Variants in GUCY1A1 observed in about 807,000 individuals in gnomAD.
The protein encoded by GUCY1A1 is guanylate cyclase soluble subunit alpha-1.
A neutral mutation model predicts 64.5 loss-of-function variants in GUCY1A1; 48 were observed. The observed-to-expected ratio is 0.74, with a 90% CI of 0.59 to 0.95. The LOEUF (loss-of-function observed/expected upper bound fraction) is 0.95, where lower values mean the gene tolerates loss of function less well. Among genes scored for constraint, GUCY1A1 ranks in the 40% least tolerant of loss-of-function variants. The probability of loss-of-function intolerance (pLI) is 0.00; values close to 1 mark genes in which losing one functional copy is unlikely to be tolerated. For missense variants in GUCY1A1, 804 were observed against 825.3 expected (o/e 0.97, Z 0.32); for synonymous variants, 308 against 303.4 (o/e 1.02, Z -0.16).
At chr4:155,702,775 T>C (rs929781980) in intron 3 of GUCY1A1, among the ~76,000 whole-genome samples, 14 of 152,272 alleles carry the variant, frequency 9.2e-5, no homozygotes, top group South Asian at 6.2e-4. Flanking sequence ...AAAAGCCCTT[T>C]TCATAACTCA....
At chr4:155,692,718 A>G (rs531655051) in intron 2 of GUCY1A1, among the ~76,000 whole-genome samples, 2 of 152,298 alleles carry the variant, frequency 1.3e-5, no homozygotes, top group Non-Finnish European at 2.9e-5. Context: ...ATATTGTTAC[A>G]TGTCTACATG....
At chr4:155,720,108 G>A (rs1733764801) in intron 8 of GUCY1A1, among the ~76,000 whole-genome samples, 1 of 152,006 alleles carries the variant, frequency 6.6e-6, no homozygotes, top group Admixed American at 6.6e-5. Context: ...GGACTAGGAG[G>A]GACACTTGCC....
chr4:155,729,921 C>CGTGATTTA (rs2110773940), intron 9 of GUCY1A1, 109 bp from the exon 10 acceptor site: 1 of 677,140 alleles, frequency 1.5e-6, no homozygotes, highest in South Asian at 2.0e-5. Context: ...TCACTCACAC[C>CGTGATTTA]TAAAATCACT....
rs1731274479 is a variant in GUCY1A1, at chr4:155,702,889, T to A, written c.256-1043T>A. 4.0e-5 allele frequency among the ~76,000 whole-genome samples: 6 copies of A among 151,830 alleles called. No individual in the cohort carries two copies. The South Asian group carries it at 1.2e-3, about 31-fold the overall frequency. ...TAAATAGTTTTTAAGGAAAAAGGAATTTCTTAACTTGGGACAGCAAAAAAT... is the reference window on the plus strand; with the variant it reads ...TAAATAGTTTTTAAGGAAAAAGGAAATTCTTAACTTGGGACAGCAAAAAAT... On this transcript the variant is annotated intron_variant, in intron 3 of 9. Coordinates refer to ENST00000506455, the MANE Select transcript of GUCY1A1 (RefSeq NM_001130682.3).
At chr4:155,705,303 CT>C (rs1731597515) in intron 4 of GUCY1A1, among the ~76,000 whole-genome samples, 1 of 152,108 alleles carries the variant, frequency 6.6e-6, no homozygotes, top group South Asian at 2.1e-4. Flanking sequence ...AATCCCAGCC[CT>C]TTGGGAGGTC....
chr4:155,703,721 G>C (rs1731384193), intron 3 of GUCY1A1, among the ~76,000 whole-genome samples: 1 of 152,142 alleles, frequency 6.6e-6, no homozygotes, highest in Non-Finnish European at 1.5e-5. Context: ...TCTCAGATTA[G>C]TCTCAGCACA....
chr4:155,688,150 C>G (rs575576343), intron 2 of GUCY1A1, among the ~76,000 whole-genome samples: 1 of 151,994 alleles, frequency 6.6e-6, no homozygotes, highest in African/African-American at 2.4e-5. Context: ...ATGGCGTGAA[C>G]CCGGGAGGTG....
At chr4:155,704,552 C>T (rs1156898472) in intron 4 of GUCY1A1, among the ~76,000 whole-genome samples, 6 of 150,042 alleles carry the variant, frequency 4.0e-5, no homozygotes, top group South Asian at 4.2e-4. Flanking sequence ...CTCAGGGTTC[C>T]GGGGGGTAGC....
At chr4:155,683,886 C>T (rs1323558237) in intron 2 of GUCY1A1, among the ~76,000 whole-genome samples, 1 of 152,114 alleles carries the variant, frequency 6.6e-6, no homozygotes, top group Non-Finnish European at 1.5e-5. Flanking sequence ...TGGTGGTCCA[C>T]AAAGAAAGGA....
At chr4:155,709,811 C>T (rs182421893) in intron 5 of GUCY1A1, among the ~76,000 whole-genome samples, 7 of 151,818 alleles carry the variant, frequency 4.6e-5, no homozygotes, top group East Asian at 3.9e-4. Context: ...CCAGCCTGGG[C>T]GACAGAGCGA....
chr4:155,717,208 A>T lies in GUCY1A1; in HGVS notation c.1622A>T (p.Glu541Val). ...TGTGTAGCTGGGGGATTACACAAAG[A>T]GAGTGATACTCATGCTGTTCAGATA... is the stretch of plus-strand genomic sequence containing the variant. Reference protein sequence around the residue: ...AYCVAGGLHKESDTHAVQIAL... With the variant: ...AYCVAGGLHKVSDTHAVQIAL... Residue 541 changes from glutamate (E) to valine (V), a missense_variant, in exon 8 of 10, where the codon GAG (glutamate) becomes GTG (valine). Physicochemically the swap from Glu to Val is moderately radical, Grantham distance 121 (BLOSUM62 -2). Transcript: ENST00000506455. 1 of 1,575,780 alleles carries T rather than the reference A, an allele frequency of 6.3e-7. No homozygotes were observed.
intron 8 of GUCY1A1, among the ~76,000 whole-genome samples, chr4:155,719,648 A>G (rs1733707778): frequency 6.6e-6 from 1 of 152,044 alleles, no homozygotes; most frequent in African/African-American, 2.4e-5. Flanking sequence ...TCATCTATTC[A>G]TTTATTCCCA....
intron 4 of GUCY1A1, among the ~76,000 whole-genome samples, chr4:155,705,766 C>T (rs1040255379): frequency 1.6e-4 from 25 of 152,250 alleles, no homozygotes; most frequent in Non-Finnish European, 2.5e-4. Context: ...GCTTGATTTT[C>T]CTTGCTGACT....
chr4:155,712,249 AGCCTCTCGAGTAGCTGGGATTACAG>A (rs1732669989), intron 6 of GUCY1A1, among the ~76,000 whole-genome samples: 1 of 152,124 alleles, frequency 6.6e-6, no homozygotes, highest in African/African-American at 2.4e-5. Flanking sequence ...TCCCCGCTTC[AGCCTCTCGAGTAGCTGGGATTACAG>A]GCTTGCACCA....
intron 5 of GUCY1A1, among the ~76,000 whole-genome samples, chr4:155,709,313 GT>G (rs1732224702): frequency 1.3e-5 from 2 of 152,146 alleles, no homozygotes; most frequent in Admixed American, 1.3e-4. Context: ...GACTCCTTTT[GT>G]CTTCTTCACC....
intron 5 of GUCY1A1, among the ~76,000 whole-genome samples, chr4:155,709,050 TA>T (rs1253458428): frequency 1.3e-5 from 2 of 152,206 alleles, no homozygotes; most frequent in African/African-American, 4.8e-5. Context: ...CCAACAAAAA[TA>T]GCATGTTTTA....
intron 9 of GUCY1A1, among the ~76,000 whole-genome samples, chr4:155,723,578 C>G (rs1454463707): frequency 6.6e-6 from 1 of 152,052 alleles, no homozygotes; most frequent in African/African-American, 2.4e-5. Flanking sequence ...GTTAGCTTTC[C>G]TATTCTCAGA....
At chr4:155,683,832 A>G (rs1031684234) in intron 2 of GUCY1A1, among the ~76,000 whole-genome samples, 2 of 152,196 alleles carry the variant, frequency 1.3e-5, no homozygotes, top group Non-Finnish European at 2.9e-5. Context: ...TTGAATTCAG[A>G]TAACTAAGTT....
At chr4:155,690,508 C>G (rs550444655) in intron 2 of GUCY1A1, among the ~76,000 whole-genome samples, 119 of 152,296 alleles carry the variant, frequency 7.8e-4, no homozygotes, top group African/African-American at 2.7e-3. Context: ...AGAGTATTAT[C>G]TTGTTTAATG....
Sources: gnomAD v4.1 joint callset for allele counts (sites outside exome capture counted in the v4.1 genomes callset) on GRCh38, gnomAD v4.1.1 for gene constraint, MANE v1.5 for transcripts, NCBI Gene and HGNC (gene_info 2026-07-23, HGNC 2026-07-21) for gene names.